The following HTR4 variants were observed in gnomAD, a reference collection of about 807,000 sequenced individuals.
HTR4 encodes the protein 5-hydroxytryptamine receptor 4, also known as 5-hydroxytryptamine (serotonin) receptor 4, G protein-coupled.
A neutral mutation model predicts 36.8 loss-of-function variants in HTR4; 16 were observed. The observed-to-expected ratio is 0.43, with a 90% confidence interval of 0.29 to 0.66. The LOEUF is 0.66. Ranked by LOEUF, HTR4 falls within the 30% of genes least tolerant of loss-of-function variation. The pLI is 0.13. For missense variants in HTR4, 438 were observed against 490.9 expected (o/e 0.89, Z 1.02); for synonymous variants, 189 against 185.1 (o/e 1.02, Z -0.17).
At chr5:148,586,398 A>C (rs74987682) in intron 2 of HTR4, among the ~76,000 whole-genome samples, 1 of 152,108 alleles carries the variant, frequency 6.6e-6, no homozygotes, top group Non-Finnish European at 1.5e-5. Context: ...AGATCCTGAA[A>C]AGATCCTGAA....
chr5:148,509,362 C>T, intron 6 of HTR4, 94 bp downstream of exon 6: 2 of 908,152 alleles, frequency 2.2e-6, no homozygotes, highest in East Asian at 5.1e-5. Flanking sequence ...ATGCAGGTTT[C>T]AGGGATAACC....
chr5:148,589,824 C>T (rs1222925927), intron 2 of HTR4, among the ~76,000 whole-genome samples: 2 of 152,012 alleles, frequency 1.3e-5, no homozygotes, highest in African/African-American at 4.8e-5. Flanking sequence ...TAATATGCCA[C>T]CTCACAAACA....
At chr5:148,459,250 A>G (rs572823779) in intron 5 of HTR4, among the ~76,000 whole-genome samples, 8 of 152,248 alleles carry the variant, frequency 5.3e-5, no homozygotes, top group African/African-American at 1.9e-4. Flanking sequence ...GGAGGGCAAT[A>G]ATAGGGGACC....
At chr5:148,636,552 C>T (rs1224155728) in intron 2 of HTR4, among the ~76,000 whole-genome samples, 3 of 152,064 alleles carry the variant, frequency 2.0e-5, no homozygotes, top group Non-Finnish European at 4.4e-5. Context: ...GTAACTATAC[C>T]ATGCAACCAT....
At chr5:148,465,992 G>GAA in intron 5 of HTR4, 18 of 1,456,370 alleles carry the variant, frequency 1.2e-5, no homozygotes, top group South Asian at 4.0e-5. Context: ...AAAGAAAAAA[G>GAA]AAAAAAAAAA....
chr5:148,468,719 G>C (rs1193495413), intron 5 of HTR4, among the ~76,000 whole-genome samples: 1 of 152,190 alleles, frequency 6.6e-6, no homozygotes, highest in African/African-American at 2.4e-5. Context: ...ATGCTGAAGA[G>C]TCTTGATATG....
intron 2 of HTR4, among the ~76,000 whole-genome samples, chr5:148,577,032 G>A (rs1445436518): frequency 1.3e-5 from 2 of 152,046 alleles, no homozygotes; most frequent in Non-Finnish European, 2.9e-5. Flanking sequence ...AGAGTAAACA[G>A]ACAACCTACA....
intron 6 of HTR4, among the ~76,000 whole-genome samples, chr5:148,500,170 T>A (rs1018895551): frequency 2.0e-5 from 3 of 152,182 alleles, no homozygotes; most frequent in Non-Finnish European, 4.4e-5. Context: ...AAGAGACACC[T>A]ATATGGGGTT....
intron 6 of HTR4, among the ~76,000 whole-genome samples, chr5:148,499,750 T>A (rs761591943): frequency 1.3e-5 from 2 of 152,052 alleles, no homozygotes; most frequent in Admixed American, 1.3e-4. Flanking sequence ...TAGTGTGAGG[T>A]GTCTGGGTTA....
intron 6 of HTR4, among the ~76,000 whole-genome samples, chr5:148,486,143 A>C (rs1331845043): frequency 6.6e-6 from 1 of 152,204 alleles, no homozygotes; most frequent in African/African-American, 2.4e-5. Flanking sequence ...CAGCAGGACG[A>C]ATGGGAATGT....
chr5:148,472,371 T>C (rs1269663771), downstream of HTR4, among the ~76,000 whole-genome samples: 1 of 152,170 alleles, frequency 6.6e-6, no homozygotes, highest in East Asian at 1.9e-4. Context: ...CCTGAGATGG[T>C]TAATTAGGTT....
At chr5:148,505,462 C>T (rs1304387129) in intron 6 of HTR4, among the ~76,000 whole-genome samples, 1 of 152,112 alleles carries the variant, frequency 6.6e-6, no homozygotes, top group Non-Finnish European at 1.5e-5. Flanking sequence ...AAAACTGGCA[C>T]AAGACAGGAA....
intron 6 of HTR4, chr5:148,490,721 C>A: frequency 7.9e-7 from 1 of 1,258,454 alleles, no homozygotes; most frequent in South Asian, 1.3e-5. Context: ...ACTAGGAACT[C>A]CCTAGTAAGG....
chr5:148,597,693 T>C (rs961904481), intron 2 of HTR4, among the ~76,000 whole-genome samples: 1 of 152,236 alleles, frequency 6.6e-6, no homozygotes, highest in Admixed American at 6.5e-5. Context: ...GTCACTTTCC[T>C]ACATAGCCTT....
rs1484898124 is a variant in HTR4 at position 148,654,111 on chromosome 5, AC to A, written c.-98del. On this transcript the variant is annotated 5_prime_UTR_variant, in exon 1 of 7. Coordinates refer to ENST00000377888, the MANE Select transcript of HTR4 (RefSeq NM_000870.7). ...GGTGCCCTGGCAGATTCGAGCGGCCACCCCCAGCCGCTGAGCCGAGCTTCTG... is the reference window on the plus strand; with the variant it reads ...GGTGCCCTGGCAGATTCGAGCGGCCACCCCAGCCGCTGAGCCGAGCTTCTG... The A allele has an allele frequency of 2.1e-5, 21 of 984,460 alleles. No individual in the cohort carries two copies. Among genetic ancestry groups the A allele is most frequent in the Non-Finnish European group, 2.4e-5 (20 of 829,508 alleles). The allele number at this position is 984,460 out of a possible 1,614,324, so 61.0% of individuals were successfully genotyped here.
intron 2 of HTR4, among the ~76,000 whole-genome samples, chr5:148,583,593 A>C (rs1414928740): frequency 6.6e-6 from 1 of 150,444 alleles, no homozygotes; most frequent in Non-Finnish European, 1.5e-5. Context: ...AATAGAAAAC[A>C]CTCATTAATA....
intron 4 of HTR4, among the ~76,000 whole-genome samples, chr5:148,535,718 C>G (rs1011043140): frequency 6.6e-6 from 1 of 152,112 alleles, no homozygotes; most frequent in African/African-American, 2.4e-5. Flanking sequence ...AGGAAAACCT[C>G]TGAGAAGTAT....
intron 2 of HTR4, among the ~76,000 whole-genome samples, chr5:148,576,118 A>AAAAAAACAAAC (rs1760895622): frequency 7.3e-6 from 1 of 137,878 alleles, no homozygotes; most frequent in African/African-American, 2.6e-5. Flanking sequence ...CTCAAAAAAA[A>AAAAAAACAAAC]AAAAAAAAAA....
At chr5:148,477,780 T>A (rs1456443064), downstream of HTR4, among the ~76,000 whole-genome samples, 1 of 152,194 alleles carries the variant, frequency 6.6e-6, no homozygotes, top group East Asian at 1.9e-4. Context: ...TTCGCATTAA[T>A]TAGGCTGTAC....
Sources: gnomAD v4.1 joint callset for allele counts (sites outside exome capture counted in the v4.1 genomes callset) on GRCh38, gnomAD v4.1.1 for gene constraint, MANE v1.5 for transcripts, NCBI Gene and HGNC (gene_info 2026-07-23, HGNC 2026-07-21) for gene names.